Variants in ABAT observed in about 807,000 individuals in gnomAD.
The protein encoded by ABAT is 4-aminobutyrate aminotransferase, mitochondrial.
Under a neutral mutation model 64.6 loss-of-function variants are expected in ABAT, and 45 were observed. The observed-to-expected ratio is 0.70, with a 90% CI of 0.55 to 0.89. ABAT has a LOEUF of 0.89. Ranked by LOEUF, ABAT falls within the 40% of genes least tolerant of loss-of-function variation. ABAT has a pLI of 0.00. For synonymous variants in ABAT, 297 were observed against 250.5 expected (o/e 1.19, Z -1.75); for missense variants, 633 against 658.4 (o/e 0.96, Z 0.42).
chr16:8,681,174 T>C (rs542832076), intron 1 of ABAT, among the ~76,000 whole-genome samples: 1 of 152,112 alleles, frequency 6.6e-6, no homozygotes, highest in African/African-American at 2.4e-5. Flanking sequence ...TTGTTGTTGT[T>C]GAGATGGAGT....
At chr16:8,730,082 C>G (rs552074124) in intron 1 of ABAT, among the ~76,000 whole-genome samples, 1 of 152,288 alleles carries the variant, frequency 6.6e-6, no homozygotes, top group East Asian at 1.9e-4. Flanking sequence ...GGATAATGAC[C>G]TGTCTCTGTC....
intron 1 of ABAT, among the ~76,000 whole-genome samples, chr16:8,693,564 G>C (rs796279699): frequency 2.6e-5 from 4 of 152,286 alleles, no homozygotes; most frequent in African/African-American, 9.6e-5. Flanking sequence ...CGCCTCCCGG[G>C]TTCACGTGAT....
chr16:8,734,259 C>T (rs2058846489), intron 1 of ABAT, among the ~76,000 whole-genome samples: 3 of 152,122 alleles, frequency 2.0e-5, no homozygotes, highest in Middle Eastern at 3.2e-3. Context: ...ATAATGATGC[C>T]CTTGTTTATG....
At chr16:8,701,201 T>C (rs1407741993) in intron 1 of ABAT, among the ~76,000 whole-genome samples, 1 of 152,234 alleles carries the variant, frequency 6.6e-6, no homozygotes, top group Non-Finnish European at 1.5e-5. Context: ...CCCAAAGTGC[T>C]TGGATTGTAG....
rs192364716 is a variant in ABAT, at chr16:8,714,360, G to A, written c.-41-21339G>A. Reference sequence around the variant, plus strand: ...TCTTTGAAACTCAGGGGAATGGAAGGCTCAGGGGGCGCTGTCACTGGGCAT... The same window carrying A: ...TCTTTGAAACTCAGGGGAATGGAAGACTCAGGGGGCGCTGTCACTGGGCAT... On this transcript the variant is annotated intron_variant, in intron 1 of 15. Coordinates refer to ENST00000268251, the MANE Select transcript of ABAT (RefSeq NM_020686.6). Among the ~76,000 whole-genome samples the A allele has an allele frequency of 3.9e-4, 60 of 152,334 alleles. 2 individuals carry two copies. Among genetic ancestry groups the A allele is most frequent in the Admixed American group, 3.6e-3 (55 of 15,306 alleles).
chr16:8,680,475 G>A (rs1237994215), intron 1 of ABAT, among the ~76,000 whole-genome samples: 1 of 152,108 alleles, frequency 6.6e-6, no homozygotes, highest in African/African-American at 2.4e-5. Flanking sequence ...ACCCAGGCTG[G>A]AGTGCAGTGG....
intron 4 of ABAT, 122 bp downstream of exon 4, chr16:8,748,259 A>AT: frequency 6.9e-6 from 6 of 867,408 alleles, no homozygotes; most frequent in Non-Finnish European, 9.1e-6. Context: ...TGTTCTAAAC[A>AT]TTTTTTCTCA....
intron 1 of ABAT, among the ~76,000 whole-genome samples, chr16:8,710,746 G>GCAA (rs1352338349): frequency 6.7e-6 from 1 of 148,996 alleles, no homozygotes; most frequent in Non-Finnish European, 1.5e-5. Context: ...AGGCTCAGGA[G>GCAA]CAAGCACCTT....
chr16:8,778,261 A>G (rs1282384599), intron 14 of ABAT, among the ~76,000 whole-genome samples: 1 of 152,146 alleles, frequency 6.6e-6, no homozygotes, highest in Admixed American at 6.6e-5. Flanking sequence ...ATTCTCTCAC[A>G]GTTTGGAGGC....
intron 11 of ABAT, among the ~76,000 whole-genome samples, chr16:8,771,568 A>C (rs2060111555): frequency 6.6e-6 from 1 of 150,570 alleles, no homozygotes; most frequent in Non-Finnish European, 1.5e-5. Flanking sequence ...TCCTGGGTTC[A>C]AGCGATTCTC....
chr16:8,724,570 A>C (rs768716068), intron 1 of ABAT, among the ~76,000 whole-genome samples: 1 of 151,976 alleles, frequency 6.6e-6, no homozygotes, highest in Non-Finnish European at 1.5e-5. Context: ...CATCTCTCCA[A>C]AAAAGAAATA....
At chr16:8,732,613 G>A (rs1408229078) in intron 1 of ABAT, among the ~76,000 whole-genome samples, 2 of 151,602 alleles carry the variant, frequency 1.3e-5, no homozygotes, top group African/African-American at 4.9e-5. Flanking sequence ...AGTCTCCCAT[G>A]TCTACTTCTT....
At chr16:8,702,524 A>G (rs896029565) in intron 1 of ABAT, among the ~76,000 whole-genome samples, 1 of 152,162 alleles carries the variant, frequency 6.6e-6, no homozygotes, top group Non-Finnish European at 1.5e-5. Flanking sequence ...AAGTGCTGGG[A>G]TTATAGGCGG....
intron 1 of ABAT, among the ~76,000 whole-genome samples, chr16:8,706,306 T>C (rs2057941151): frequency 6.7e-6 from 1 of 148,358 alleles, no homozygotes; most frequent in South Asian, 2.1e-4. Context: ...GCCGAGAGGC[T>C]GAGGTGGGAG....
chr16:8,730,410 G>A (rs1409386340), intron 1 of ABAT, among the ~76,000 whole-genome samples: 2 of 152,108 alleles, frequency 1.3e-5, no homozygotes, highest in Non-Finnish European at 2.9e-5. Flanking sequence ...CCTGGGCTCG[G>A]TGCCTGATTC....
chr16:8,714,437 G>A (rs908499223), intron 1 of ABAT, among the ~76,000 whole-genome samples: 4 of 152,368 alleles, frequency 2.6e-5, no homozygotes, highest in South Asian at 2.1e-4. Context: ...GGCGGCTCAC[G>A]CCAAGAGTAG....
intron 15 of ABAT, 92 bp downstream of exon 15, chr16:8,779,682 G>A (rs1419834158): frequency 3.0e-6 from 3 of 1,015,800 alleles, no homozygotes; most frequent in African/African-American, 1.6e-5. Context: ...GCAATATTTT[G>A]TGTGGGGGGC....
At chr16:8,741,546 T>G (rs931951935) in intron 2 of ABAT, among the ~76,000 whole-genome samples, 1 of 152,212 alleles carries the variant, frequency 6.6e-6, no homozygotes, top group Non-Finnish European at 1.5e-5. Context: ...TGTAAATTGC[T>G]CCAGATGATT....
At position 8,776,446 on chromosome 16, in the gene ABAT, G is replaced by A. The variant is rs1199672836; in HGVS notation, c.1225G>A (p.Ala409Thr). The change falls in exon 14 of 16, where the codon GCC becomes ACC. Residue 409 changes from alanine to threonine, a missense_variant. By Grantham distance (58) the Ala-to-Thr change is moderately conservative. Coordinates refer to ENST00000268251, the MANE Select transcript of ABAT (RefSeq NM_020686.6). The surrounding 1 kb of genome is among the most constrained non-coding windows in gnomAD (Gnocchi z 4.4). ...IKREDLLNNA[A>T]HAGKALLTGL... is the part of the protein sequence containing the mutation. ...GCGGGAGGACCTGCTAAATAATGCA[G>A]CCCATGCCGGGAAGGCCCTGCTCAC... 1.2e-6 allele frequency: 2 copies of A among 1,614,202 alleles called. No homozygotes were observed. Among genetic ancestry groups the A allele is most frequent in the East Asian group, 2.2e-5 (1 of 44,880 alleles).
Sources: allele counts gnomAD v4.1 joint callset (sites outside exome capture counted in the v4.1 genomes callset), GRCh38; gene constraint gnomAD v4.1.1; non-coding constraint Gnocchi (gnomAD v3.1); transcripts MANE v1.5; gene names NCBI Gene and HGNC (gene_info 2026-07-23, HGNC 2026-07-21).